Variants in CAMK2B observed in about 807,000 individuals in gnomAD.
CAMK2B encodes the protein calcium/calmodulin dependent protein kinase II beta.
A neutral mutation model predicts 93.7 loss-of-function variants in CAMK2B; 27 were observed. That is an observed-to-expected ratio of 0.29 (90% CI 0.21 to 0.40). The LOEUF (loss-of-function observed/expected upper bound fraction) is 0.40, where lower values mean the gene tolerates loss of function less well. CAMK2B is among the 10% of genes least tolerant of loss of function. CAMK2B has a pLI of 1.00. For synonymous variants in CAMK2B, 374 were observed against 358.8 expected, an observed-to-expected ratio of 1.04 and a Z score of -0.48; for missense variants, 568 against 895.8, an observed-to-expected ratio of 0.63 and a Z score of 4.67.
chr7:44,227,773 G>A (rs1463056852), intron 19 of CAMK2B, among the ~76,000 whole-genome samples: 1 of 43,232 alleles, frequency 2.3e-5, no homozygotes, highest in Non-Finnish European at 4.6e-5. Flanking sequence ...CAGAGGGAGA[G>A]TCTGGGGGAC....
chr7:44,297,594 C>T (rs1054523858), intron 1 of CAMK2B, among the ~76,000 whole-genome samples: 6 of 151,998 alleles, frequency 3.9e-5, no homozygotes, highest in Non-Finnish European at 5.9e-5. Context: ...ATGTCATCTA[C>T]AAGAAACCTA....
intron 2 of CAMK2B, among the ~76,000 whole-genome samples, chr7:44,281,043 A>C (rs1584548636): frequency 6.6e-6 from 1 of 151,784 alleles, no homozygotes; most frequent in African/African-American, 2.4e-5. Context: ...AGAACATTTC[A>C]CTCTAGTGCC....
intron 2 of CAMK2B, among the ~76,000 whole-genome samples, chr7:44,275,032 C>T (rs1337404095): frequency 6.6e-6 from 1 of 152,196 alleles, no homozygotes; most frequent in Non-Finnish European, 1.5e-5. Flanking sequence ...TCCCCTCTGC[C>T]GGGAGCCTTT....
chr7:44,221,803 C>T (rs1003531578), intron 20 of CAMK2B, among the ~76,000 whole-genome samples: 5 of 152,244 alleles, frequency 3.3e-5, no homozygotes, highest in Non-Finnish European at 5.9e-5. Context: ...TGCATTGCTG[C>T]TTTAACTACA....
rs751565604 is a variant in CAMK2B at position 44,243,522 on chromosome 7, C to T, written c.420G>A (p.Glu140=). The change falls in exon 7 of 24, where the codon GAG becomes GAA. Residue 140 remains glutamate (E), a synonymous_variant. Transcript: ENST00000395749. ...MGVVHRDLKP[E]NLLLASKCKG... is the part of the protein sequence containing the mutation. ...TGCACTTGCTGGCCAGAAGCAGGTT[C>T]TCCGGCTGCAGGGAGGTGACCGGCA... The T allele has an allele frequency of 1.5e-5, 24 of 1,613,890 alleles. No individual in the cohort carries two copies. The highest frequency in any genetic ancestry group is 2.0e-5 in the Non-Finnish European group (24 of 1,179,948).
At chr7:44,249,525 T>G (rs370367665) in intron 5 of CAMK2B, among the ~76,000 whole-genome samples, 1 of 152,156 alleles carries the variant, frequency 6.6e-6, no homozygotes, top group Non-Finnish European at 1.5e-5. Flanking sequence ...GGGAAGGGCA[T>G]AGATCTTGGG....
At chr7:44,269,250 T>C (rs2096949648) in intron 2 of CAMK2B, among the ~76,000 whole-genome samples, 1 of 152,082 alleles carries the variant, frequency 6.6e-6, no homozygotes, top group South Asian at 2.1e-4. Flanking sequence ...GCCTTCAACA[T>C]CCCAAAGGCG....
At chr7:44,300,020 C>CTGTG (rs143590426) in intron 1 of CAMK2B, among the ~76,000 whole-genome samples, 14,410 of 141,538 alleles carry the variant, frequency 0.1, 757 homozygotes, top group Non-Finnish European at 0.11. Flanking sequence ...GTGTATGTGT[C>CTGTG]TGTGTGTGTG....
intron 1 of CAMK2B, among the ~76,000 whole-genome samples, chr7:44,298,497 T>C (rs983989599): frequency 6.6e-6 from 1 of 152,190 alleles, no homozygotes; most frequent in Non-Finnish European, 1.5e-5. Context: ...TTCTTGGATA[T>C]GACACCAAAA....
intron 4 of CAMK2B, among the ~76,000 whole-genome samples, chr7:44,256,453 G>C (rs377488441): frequency 6.6e-6 from 1 of 152,270 alleles, no homozygotes; most frequent in Non-Finnish European, 1.5e-5. Context: ...GTGTACAACT[G>C]TGTGCCTGTG....
intron 9 of CAMK2B, 42 bp downstream of exon 9, chr7:44,242,518 C>T: frequency 1.3e-6 from 2 of 1,557,730 alleles, no homozygotes; most frequent in Non-Finnish European, 1.8e-6. Flanking sequence ...CCGGCCACAC[C>T]TGGAGGAAGG....
In CAMK2B at chr7:44,228,784, G is replaced by T. The variant is rs769180402; in HGVS notation, c.1468+12C>A. 1.8e-5 allele frequency: 26 copies of T among 1,465,298 alleles called. No individual in the cohort carries two copies. The highest frequency in any genetic ancestry group is 2.3e-5 in the Non-Finnish European group (26 of 1,110,346). The allele number at this position is 1,465,298 out of a possible 1,614,324, so 90.8% of individuals were successfully genotyped here. A position where few individuals can be genotyped will look rare whatever the true frequency, so the allele number is the denominator to read the frequency against. On this transcript the variant is annotated intron_variant, in intron 19 of 23. Coordinates refer to ENST00000395749, the MANE Select transcript of CAMK2B (RefSeq NM_001220.5). Reference sequence around the variant, plus strand: ...GGCAGCAGAGGCGGCAGGCCTGGGGGCCACTACTTACACGGGGAGGACAGG... The same window carrying T: ...GGCAGCAGAGGCGGCAGGCCTGGGGTCCACTACTTACACGGGGAGGACAGG...
chr7:44,283,958 G>A (rs1584583014), intron 2 of CAMK2B, among the ~76,000 whole-genome samples, 173 bp downstream of exon 2: 1 of 152,232 alleles, frequency 6.6e-6, no homozygotes, highest in East Asian at 1.9e-4. Context: ...GCCTCCCTCT[G>A]CCACAGCCTC....
Position 44,220,618 on chromosome 7 carries a change from T to C in CAMK2B, c.1766A>G (p.Asn589Ser). ...GMDFHRFYFENLLAKNSKPIH... is the reference protein window; with the variant it reads ...GMDFHRFYFESLLAKNSKPIH... ...CCCACCCGGGCTTCCTCACTCACGGTTCTCGAAGTAGAATCTGTGGAAGTC... is the reference window on the plus strand; with the variant it reads ...CCCACCCGGGCTTCCTCACTCACGGCTCTCGAAGTAGAATCTGTGGAAGTC... Residue 589 changes from asparagine to serine, a missense_variant and splice_region_variant, in exon 22 of 24, where the codon AAC becomes AGC. Transcript: ENST00000395749. 6.2e-7 allele frequency: 1 copy of C among 1,612,684 alleles called. No individual in the cohort carries two copies. The highest frequency in any genetic ancestry group is 8.5e-7 in the Non-Finnish European group (1 of 1,179,364).
chr7:44,320,152 A>G (rs1795734170), intron 1 of CAMK2B, among the ~76,000 whole-genome samples: 1 of 152,178 alleles, frequency 6.6e-6, no homozygotes. Context: ...AAAAATTTCT[A>G]GTCTTGCTGG....
At chr7:44,241,807 T>A (rs769616624) in intron 10 of CAMK2B, 24 bp from the exon 11 acceptor site, 44 of 1,596,274 alleles carry the variant, frequency 2.8e-5, no homozygotes, top group Non-Finnish European at 3.7e-5. Context: ...GGTGGTCATA[T>A]GGCAGCCGAG....
At chr7:44,287,092 C>T (rs1000161524) in intron 1 of CAMK2B, among the ~76,000 whole-genome samples, 1 of 152,090 alleles carries the variant, frequency 6.6e-6, no homozygotes, top group African/African-American at 2.4e-5. Flanking sequence ...TTGGATGCCC[C>T]CAGAGGGAGA....
intron 1 of CAMK2B, among the ~76,000 whole-genome samples, chr7:44,290,905 A>G (rs1196233305): frequency 6.6e-6 from 1 of 152,234 alleles, no homozygotes; most frequent in African/African-American, 2.4e-5. Context: ...TTTGCTATGG[A>G]GTAAACAAGA....
chr7:44,229,153 G>A (rs1450263632), intron 18 of CAMK2B: 5 of 626,784 alleles, frequency 8.0e-6, no homozygotes, highest in Non-Finnish European at 1.5e-5. Flanking sequence ...GAGCCTCCAG[G>A]GCCTCCCATC....
Sources: allele counts gnomAD v4.1 joint callset (sites outside exome capture counted in the v4.1 genomes callset), GRCh38; gene constraint gnomAD v4.1.1; transcripts MANE v1.5; gene names NCBI Gene and HGNC (gene_info 2026-07-23, HGNC 2026-07-21).